Variants in RBFOX1 observed in about 807,000 individuals in gnomAD.
RBFOX1 encodes RNA binding fox-1 homolog 1.
A neutral mutation model predicts 57.7 loss-of-function variants in RBFOX1; 8 were observed. The observed-to-expected ratio is 0.14, with a 90% CI of 0.08 to 0.25. The LOEUF (loss-of-function observed/expected upper bound fraction) is 0.25. Ranked by LOEUF, RBFOX1 falls within the 10% of genes least tolerant of loss-of-function variation. The probability of loss-of-function intolerance (pLI) is 1.00; values close to 1 mark genes in which losing one functional copy is unlikely to be tolerated. For synonymous variants in RBFOX1, 326 were observed against 222.4 expected (o/e 1.47, Z -4.15); for missense variants, 611 against 548.5 (o/e 1.11, Z -1.14).
At chr16:5,734,252 C>T (rs2052491397) in intron 3 of RBFOX1, among the ~76,000 whole-genome samples, 1 of 152,078 alleles carries the variant, frequency 6.6e-6, no homozygotes, top group African/African-American at 2.4e-5. Context: ...TCACTTGAGG[C>T]TAAGTGTTAG....
At chr16:6,824,369 G>A (rs1389258045) in intron 3 of RBFOX1, among the ~76,000 whole-genome samples, 1 of 152,180 alleles carries the variant, frequency 6.6e-6, no homozygotes, top group Non-Finnish European at 1.5e-5. Flanking sequence ...TCATGCTACA[G>A]CATGCTCCAA....
intron 3 of RBFOX1, among the ~76,000 whole-genome samples, chr16:6,759,616 C>A (rs1035129861): frequency 9.2e-5 from 14 of 151,464 alleles, no homozygotes; most frequent in Admixed American, 2.6e-4. Context: ...GCCTTTTGTT[C>A]TTTAGCATGT....
intron 1 of RBFOX1, among the ~76,000 whole-genome samples, chr16:6,157,299 A>G (rs933928919): frequency 1.3e-5 from 2 of 151,408 alleles, no homozygotes; most frequent in Admixed American, 6.6e-5. Context: ...CCCAGAAACC[A>G]TTTGCCCTAC....
intron 4 of RBFOX1, among the ~76,000 whole-genome samples, chr16:5,967,551 G>C (rs893768951): frequency 6.6e-6 from 1 of 152,078 alleles, no homozygotes; most frequent in African/African-American, 2.4e-5. Flanking sequence ...TGCCTTTATA[G>C]TAGATAAAGC....
chr16:5,761,130 G>A (rs1254272464), intron 3 of RBFOX1, among the ~76,000 whole-genome samples: 1 of 152,156 alleles, frequency 6.6e-6, no homozygotes, highest in Non-Finnish European at 1.5e-5. Flanking sequence ...TGAAGGGGTA[G>A]TGTTTCAAGC....
At chr16:6,286,900 C>G (rs1442578768) in intron 1 of RBFOX1, among the ~76,000 whole-genome samples, 5 of 152,108 alleles carry the variant, frequency 3.3e-5, no homozygotes, top group Admixed American at 6.6e-5. Flanking sequence ...TTACATTTTT[C>G]CCATACATGG....
intron 3 of RBFOX1, among the ~76,000 whole-genome samples, chr16:6,849,903 T>G (rs543437415): frequency 7.2e-5 from 11 of 152,332 alleles, no homozygotes; most frequent in African/African-American, 2.6e-4. Context: ...TATTTGTGTG[T>G]GTATATCTCC....
intron 3 of RBFOX1, among the ~76,000 whole-genome samples, chr16:5,677,956 CTA>C (rs2050216041): frequency 6.6e-6 from 1 of 152,212 alleles, no homozygotes; most frequent in Non-Finnish European, 1.5e-5. Flanking sequence ...GAAATGTGTT[CTA>C]TGTCAGATGC....
chr16:6,621,039 T>G (rs2098222394), intron 2 of RBFOX1, among the ~76,000 whole-genome samples: 1 of 152,154 alleles, frequency 6.6e-6, no homozygotes, highest in African/African-American at 2.4e-5. Context: ...TGCATCTCTT[T>G]TAGCTCCAGG....
At chr16:5,424,430 G>C (rs530255510) in intron 1 of RBFOX1, among the ~76,000 whole-genome samples, 2 of 152,112 alleles carry the variant, frequency 1.3e-5, no homozygotes, top group East Asian at 1.9e-4. Flanking sequence ...CCCACCGTTA[G>C]TCTGTAAAAT....
At chr16:7,395,315 C>T (rs938117478) in intron 4 of RBFOX1, among the ~76,000 whole-genome samples, 1 of 152,224 alleles carries the variant, frequency 6.6e-6, no homozygotes. Flanking sequence ...ATGCAGAAGT[C>T]ATCACTTTAC....
At chr16:7,665,650 A>G (rs1406500057) in intron 13 of RBFOX1, among the ~76,000 whole-genome samples, 1 of 152,200 alleles carries the variant, frequency 6.6e-6, no homozygotes, top group Non-Finnish European at 1.5e-5. Context: ...ATCTAGAGGT[A>G]GTTATTCTCC....
At chr16:6,597,779 G>C (rs551841617) in intron 2 of RBFOX1, among the ~76,000 whole-genome samples, 8 of 152,286 alleles carry the variant, frequency 5.3e-5, no homozygotes, top group Non-Finnish European at 2.9e-5. Context: ...TTTAAAAGGA[G>C]CAAGCCACAT....
intron 3 of RBFOX1, among the ~76,000 whole-genome samples, chr16:5,781,276 A>G (rs868486870): frequency 1.3e-5 from 2 of 152,160 alleles, no homozygotes. Context: ...TACAGTTTCA[A>G]TTTGCTTAGA....
chr16:7,579,758 T>C lies in RBFOX1; in HGVS notation c.271-19T>C. ...TGTGGTCCACTGAGAACCTCTTCGG[T>C]TTCTTCTTGTTCTTTTAGCAGACAG... On this transcript the variant is annotated intron_variant, in intron 5 of 15. Transcript: ENST00000550418. 6.2e-7 allele frequency: 1 copy of C among 1,613,598 alleles called. No individual in the cohort carries two copies. The highest frequency in any genetic ancestry group is 1.3e-5 in the African/African-American group (1 of 74,966).
intron 3 of RBFOX1, among the ~76,000 whole-genome samples, chr16:7,003,731 T>C (rs2093044139): frequency 6.6e-6 from 1 of 152,108 alleles, no homozygotes; most frequent in Non-Finnish European, 1.5e-5. Context: ...ATTAAGTTAG[T>C]ATGTATTAGA....
chr16:6,415,956 T>C (rs2093613402), intron 2 of RBFOX1, among the ~76,000 whole-genome samples: 1 of 152,238 alleles, frequency 6.6e-6, no homozygotes, highest in African/African-American at 2.4e-5. Context: ...TGTTGTTTCC[T>C]TGTGCTTGTC....
chr16:6,253,807 C>G (rs2097643032), intron 1 of RBFOX1, among the ~76,000 whole-genome samples: 1 of 151,898 alleles, frequency 6.6e-6, no homozygotes, highest in Non-Finnish European at 1.5e-5. Flanking sequence ...GTCGTCTGAC[C>G]AGCTTGCTGC....
At chr16:7,207,846 C>G (rs545513252) in intron 4 of RBFOX1, among the ~76,000 whole-genome samples, 4 of 152,220 alleles carry the variant, frequency 2.6e-5, no homozygotes, top group African/African-American at 9.6e-5. Context: ...GAATATCTTA[C>G]CTTTATTCAG....
Sources: allele counts gnomAD v4.1 joint callset (sites outside exome capture counted in the v4.1 genomes callset), GRCh38; gene constraint gnomAD v4.1.1; transcripts MANE v1.5; gene names NCBI Gene and HGNC (gene_info 2026-07-23, HGNC 2026-07-21).